The following TEX11 variants were observed in gnomAD, a reference collection of about 807,000 sequenced individuals.
TEX11 encodes testis-expressed protein 11.
In TEX11, 7 loss-of-function variants were observed where a neutral mutation model predicts 84.4. That is an observed-to-expected ratio of 0.08 (90% CI 0.05 to 0.16). TEX11 has a LOEUF of 0.16. TEX11 is among the 10% of genes least tolerant of loss of function. TEX11 has a pLI of 1.00. For missense variants in TEX11, 551 were observed against 660.5 expected (o/e 0.83, Z 1.82); for synonymous variants, 264 against 222.8 (o/e 1.18, Z -1.64).
At chrX:70,719,758 T>TA (rs1344214683) in intron 13 of TEX11, among the ~76,000 whole-genome samples, 3 of 111,455 alleles carry the variant, frequency 2.7e-5, no homozygotes, top group Non-Finnish European at 5.6e-5. Context: ...AGCCAAAAGA[T>TA]ACGTGAAAAA....
In TEX11 at chrX:70,607,378, CAGG is replaced by C. The variant is rs1181769388; in HGVS notation, c.1880-352_1880-350del. Among the ~76,000 whole-genome samples the C allele has an allele frequency of 4.5e-5, 5 of 110,315 alleles. No individual in the cohort carries two copies. The East Asian group carries it at 1.4e-3, about 31-fold the overall frequency. On this transcript the variant is annotated intron_variant, in intron 22 of 29. Transcript: ENST00000374333. ...CCAAGGCAGGAGGATTGCTGGAGGC[CAGG>C]AGTTCAGGACCAGCCTGGGCAACAG...
intron 25 of TEX11, among the ~76,000 whole-genome samples, chrX:70,570,031 G>A (rs2088567406): frequency 1.8e-5 from 2 of 112,178 alleles, no homozygotes; most frequent in South Asian, 7.4e-4. Flanking sequence ...GAGGCAGGCA[G>A]GCTTCCTCGA....
intron 28 of TEX11, among the ~76,000 whole-genome samples, chrX:70,533,783 G>T (rs2087919153): frequency 9.0e-6 from 1 of 110,595 alleles, no homozygotes; most frequent in Admixed American, 9.7e-5. Context: ...ATTTCAAAAG[G>T]TCATGCATAC....
intron 17 of TEX11, among the ~76,000 whole-genome samples, chrX:70,648,276 T>A (rs1419613365): frequency 9.1e-6 from 1 of 110,452 alleles, no homozygotes; most frequent in African/African-American, 3.3e-5. Context: ...GATGGGGGAC[T>A]GGGGAGGGAT....
At chrX:70,586,322 T>C (rs1021372187) in intron 25 of TEX11, among the ~76,000 whole-genome samples, 4 of 112,269 alleles carry the variant, frequency 3.6e-5, no homozygotes, top group Admixed American at 1.9e-4. Flanking sequence ...GGTAGATAAA[T>C]TGGACTTCAT....
chrX:70,567,421 T>C (rs1212251715), intron 25 of TEX11, among the ~76,000 whole-genome samples: 2 of 110,907 alleles, frequency 1.8e-5, no homozygotes, highest in Non-Finnish European at 3.8e-5. Flanking sequence ...CTGCTCTGAT[T>C]TTAGTTATTT....
intron 25 of TEX11, among the ~76,000 whole-genome samples, chrX:70,568,522 A>C (rs1254412164): frequency 1.8e-5 from 2 of 110,743 alleles, no homozygotes; most frequent in Non-Finnish European, 1.9e-5. Flanking sequence ...ACATTTTGGC[A>C]TGATTTTGCC....
At chrX:70,668,222 T>C (rs1435150206) in intron 16 of TEX11, among the ~76,000 whole-genome samples, 2 of 112,221 alleles carry the variant, frequency 1.8e-5, no homozygotes, top group Non-Finnish European at 3.8e-5. Flanking sequence ...AGAGTCAGTA[T>C]TATTGACTAC....
intron 18 of TEX11, 80 bp from the exon 19 acceptor site, chrX:70,625,004 A>G: frequency 1.5e-6 from 1 of 682,148 alleles, no homozygotes; most frequent in Non-Finnish European, 2.2e-6. Context: ...TGTTCATTAA[A>G]GATAAGACAA....
intron 2 of TEX11, among the ~76,000 whole-genome samples, chrX:70,890,049 T>C (rs1403127857): frequency 2.7e-5 from 3 of 110,899 alleles, no homozygotes; most frequent in African/African-American, 9.9e-5. Flanking sequence ...ACACTTCACA[T>C]ATAAAGACAC....
intron 2 of TEX11, among the ~76,000 whole-genome samples, chrX:70,893,332 G>A (rs191086481): frequency 1.2e-3 from 134 of 110,770 alleles, no homozygotes; most frequent in African/African-American, 4.2e-3. Context: ...GCAAAAGAAC[G>A]GAAATCATAA....
chrX:70,685,237 G>A (rs1353458083), intron 13 of TEX11, among the ~76,000 whole-genome samples: 1 of 111,709 alleles, frequency 9.0e-6, no homozygotes, highest in Non-Finnish European at 1.9e-5. Context: ...GGTGGCACAT[G>A]CCTGTAATTC....
At chrX:70,866,443 T>C (rs1291168137) in intron 4 of TEX11, among the ~76,000 whole-genome samples, 1 of 109,418 alleles carries the variant, frequency 9.1e-6, no homozygotes, top group East Asian at 2.9e-4. Context: ...CCAGACAGAT[T>C]CACAGCTGAA....
At chrX:70,569,601 T>C (rs1472599602) in intron 25 of TEX11, among the ~76,000 whole-genome samples, 1 of 112,148 alleles carries the variant, frequency 8.9e-6, no homozygotes, top group Non-Finnish European at 1.9e-5. Flanking sequence ...ATGTCCTTTC[T>C]GTTTGTTAGC....
the TEX11 span, among the ~76,000 whole-genome samples, chrX:70,517,534 T>C: frequency 1.8e-5 from 2 of 111,581 alleles, no homozygotes; most frequent in African/African-American, 3.3e-5. Flanking sequence ...CAGTATTTTA[T>C]TGAGGATTTT....
intron 13 of TEX11, among the ~76,000 whole-genome samples, chrX:70,721,242 T>G (rs1397604190): frequency 8.9e-6 from 1 of 111,753 alleles, no homozygotes. Flanking sequence ...GCAAGAAAGC[T>G]TACCATTAAA....
intron 9 of TEX11, among the ~76,000 whole-genome samples, chrX:70,777,040 TA>T (rs2091006191): frequency 9.2e-6 from 1 of 108,269 alleles, no homozygotes; most frequent in Non-Finnish European, 1.9e-5. Flanking sequence ...TATTTATTAT[TA>T]TTATTATTTT....
intron 13 of TEX11, among the ~76,000 whole-genome samples, chrX:70,688,595 G>T (rs1286367712): frequency 1.8e-5 from 2 of 109,824 alleles, no homozygotes; most frequent in Non-Finnish European, 3.8e-5. Context: ...AGATGTGGTT[G>T]CCAGCATCTC....
chrX:70,584,539 C>T (rs2088826891), intron 25 of TEX11, among the ~76,000 whole-genome samples: 1 of 111,554 alleles, frequency 9.0e-6, no homozygotes, highest in South Asian at 3.7e-4. Context: ...TACTTCCTAA[C>T]TTCTTCTATG....
Sources: gnomAD v4.1 joint callset for allele counts (sites outside exome capture counted in the v4.1 genomes callset) on GRCh38, gnomAD v4.1.1 for gene constraint, MANE v1.5 for transcripts, NCBI Gene and HGNC (gene_info 2026-07-23, HGNC 2026-07-21) for gene names.